ADAMTS17: variants seen among roughly 807,000 people sequenced by gnomAD.
ADAMTS17 encodes ADAM metallopeptidase with thrombospondin type 1 motif 17, also known as A disintegrin and metalloproteinase with thrombospondin motifs 17.
ADAMTS17 carries 113 observed loss-of-function variants against 141.5 expected under a neutral mutation model. That is an observed-to-expected ratio of 0.80 (90% CI 0.69 to 0.93). The LOEUF (loss-of-function observed/expected upper bound fraction) is 0.93, where lower values mean the gene tolerates loss of function less well. Among genes scored for constraint, ADAMTS17 ranks in the 40% least tolerant of loss-of-function variants. ADAMTS17 has a pLI of 0.00. For synonymous variants in ADAMTS17, 768 were observed against 630.6 expected, an observed-to-expected ratio of 1.22 and a Z score of -3.27; for missense variants, 1,659 against 1,517.9, an observed-to-expected ratio of 1.09 and a Z score of -1.54.
intron 19 of ADAMTS17, among the ~76,000 whole-genome samples, chr15:99,996,726 C>T (rs1187447750): frequency 6.6e-6 from 1 of 152,052 alleles, no homozygotes; most frequent in Non-Finnish European, 1.5e-5. Flanking sequence ...GTTTTCTAGA[C>T]TACGCTGGTG....
At position 100,131,989 on chromosome 15, in the gene ADAMTS17, G is replaced by T. The variant is rs755267076; in HGVS notation, c.1721+18C>A. On this transcript the variant is annotated intron_variant, in intron 12 of 21. Transcript: ENST00000268070. Reference sequence around the variant, plus strand: ...TCCAATCGTGGCACGTTGGGGTATGGCTGGTCAGGGGACTTACGGGGGGTT... The same window carrying T: ...TCCAATCGTGGCACGTTGGGGTATGTCTGGTCAGGGGACTTACGGGGGGTT... The T allele has an allele frequency of 6.2e-7, 1 of 1,614,238 alleles. No homozygotes were observed. Among genetic ancestry groups the T allele is most frequent in the East Asian group, 2.2e-5 (1 of 44,880 alleles).
intron 15 of ADAMTS17, among the ~76,000 whole-genome samples, chr15:100,089,601 G>T (rs28368696): frequency 0.037 from 5,575 of 151,846 alleles, 337 homozygotes; most frequent in African/African-American, 0.13. Context: ...AACAGTGATT[G>T]ACTGGATTAA....
chr15:100,286,219 C>T (rs1166594242), intron 3 of ADAMTS17, among the ~76,000 whole-genome samples: 2 of 152,178 alleles, frequency 1.3e-5, no homozygotes. Context: ...CCCTCCCTCC[C>T]CGCAAAACGT....
At chr15:100,082,398 T>G (rs1203714549) in intron 15 of ADAMTS17, among the ~76,000 whole-genome samples, 1 of 143,910 alleles carries the variant, frequency 6.9e-6, no homozygotes, top group Non-Finnish European at 1.5e-5. Flanking sequence ...TTTTTTTTTT[T>G]GAGACAGGGT....
intron 8 of ADAMTS17, among the ~76,000 whole-genome samples, chr15:100,166,882 C>T (rs958760893): frequency 6.6e-6 from 1 of 152,230 alleles, no homozygotes; most frequent in African/African-American, 2.4e-5. Context: ...AGGCCCATAG[C>T]AGTGAGTGAC....
intron 14 of ADAMTS17, among the ~76,000 whole-genome samples, chr15:100,105,917 C>T (rs1264230477): frequency 6.6e-6 from 1 of 152,316 alleles, no homozygotes; most frequent in South Asian, 2.1e-4. Flanking sequence ...CCTGGAACTC[C>T]TGACCTCCAG....
chr15:100,330,262 G>T (rs2046010098), intron 3 of ADAMTS17, among the ~76,000 whole-genome samples: 1 of 152,202 alleles, frequency 6.6e-6, no homozygotes, highest in Admixed American at 6.5e-5. Flanking sequence ...CAGGATGTTG[G>T]GGGACAGGCC....
At chr15:100,166,879 T>C (rs538021839) in intron 8 of ADAMTS17, among the ~76,000 whole-genome samples, 43 of 152,352 alleles carry the variant, frequency 2.8e-4, no homozygotes, top group Admixed American at 1.8e-3. Context: ...ACCAGGCCCA[T>C]AGCAGTGAGT....
chr15:100,142,780 G>A (rs1371355794), intron 10 of ADAMTS17, among the ~76,000 whole-genome samples: 5 of 152,152 alleles, frequency 3.3e-5, no homozygotes, highest in African/African-American at 1.2e-4. Context: ...AGAGAAAGGA[G>A]GGAGTATTAC....
intron 20 of ADAMTS17, chr15:99,979,044 T>C (rs904629091): frequency 2.6e-5 from 4 of 152,266 alleles, no homozygotes; most frequent in Non-Finnish European, 4.4e-5. Flanking sequence ...CTGCAGTCTA[T>C]AGCCAGATGA....
intron 8 of ADAMTS17, among the ~76,000 whole-genome samples, chr15:100,157,300 CT>C (rs1555465959): frequency 6.6e-6 from 1 of 152,164 alleles, no homozygotes; most frequent in Non-Finnish European, 1.5e-5. Flanking sequence ...GACACCCGTC[CT>C]CAAAGAAGAG....
intron 3 of ADAMTS17, among the ~76,000 whole-genome samples, chr15:100,320,642 G>A (rs956462538): frequency 6.6e-6 from 1 of 152,194 alleles, no homozygotes; most frequent in Non-Finnish European, 1.5e-5. Flanking sequence ...CGACCAGCCT[G>A]GGCTACATGG....
intron 20 of ADAMTS17, 84 bp downstream of exon 20, chr15:99,992,964 G>T: frequency 6.4e-7 from 1 of 1,563,270 alleles, no homozygotes; most frequent in Non-Finnish European, 8.8e-7. Flanking sequence ...GCGTAGAATT[G>T]GGACCCGTCA....
At chr15:100,281,447 T>C in intron 3 of ADAMTS17, 46 bp from the exon 4 acceptor site, 12 of 1,583,258 alleles carry the variant, frequency 7.6e-6, no homozygotes, top group Non-Finnish European at 1.0e-5. Flanking sequence ...CTTACTGACT[T>C]CCAAAACCAT....
chr15:100,082,473 C>A (rs1234944850), intron 15 of ADAMTS17, among the ~76,000 whole-genome samples: 1 of 151,900 alleles, frequency 6.6e-6, no homozygotes, highest in Non-Finnish European at 1.5e-5. Flanking sequence ...CTCTGCACCC[C>A]CACCCCAGCT....
chr15:100,235,855 A>T (rs1050166290), intron 7 of ADAMTS17, among the ~76,000 whole-genome samples: 4 of 152,222 alleles, frequency 2.6e-5, no homozygotes, highest in African/African-American at 9.7e-5. Context: ...CAGGAAATGG[A>T]AACATGAGGA....
chr15:100,106,976 A>G (rs1029022776), intron 14 of ADAMTS17, among the ~76,000 whole-genome samples: 1 of 151,992 alleles, frequency 6.6e-6, no homozygotes, highest in African/African-American at 2.4e-5. Context: ...CTGTGCCAAG[A>G]CTCTTGGGCA....
At position 100,341,049 on chromosome 15, in the gene ADAMTS17, G is replaced by A; in HGVS notation, c.440C>T (p.Ala147Val). 1 of 1,523,152 alleles carries A rather than the reference G, an allele frequency of 6.6e-7. No homozygotes were observed. The allele number at this position is 1,523,152 out of a possible 1,614,324, so 94.4% of individuals were successfully genotyped here. A position where few individuals can be genotyped will look rare whatever the true frequency, so the allele number is the denominator to read the frequency against. ...TGGCGCGGGCAGTACCAGGCCGCCG[G>A]CGGCGCCGCAGGCGCTGAGCGAGAC... ...SLVSLSACGA[A>V]GGLVGLIQLG... Residue 147 changes from alanine to valine, a missense_variant, in exon 2 of 22, where the codon GCC becomes GTC. By Grantham distance (64) the Ala-to-Val change is moderately conservative. Transcript: ENST00000268070.
In ADAMTS17 at chr15:100,096,468, G is replaced by A; in HGVS notation, c.2025C>T (p.Gly675=). The A allele has an allele frequency of 6.2e-7, 1 of 1,614,158 alleles. No individual in the cohort carries two copies. The highest frequency in any genetic ancestry group is 1.6e-4 in the Middle Eastern group (1 of 6,062). The change falls in exon 15 of 22, where the codon GGC becomes GGT. Residue 675 remains glycine (G), a synonymous_variant. Coordinates refer to ENST00000268070, the MANE Select transcript of ADAMTS17 (RefSeq NM_139057.4). ...CTGCAGACCCGATGATGCCGTCACA[G>A]CCGATTTTCTAAAGAACCAGAGGGC... ...LCVHGKCQKI[G]CDGIIGSAAK...
Sources: gnomAD v4.1 joint callset for allele counts (sites outside exome capture counted in the v4.1 genomes callset) on GRCh38, gnomAD v4.1.1 for gene constraint, MANE v1.5 for transcripts, NCBI Gene and HGNC (gene_info 2026-07-23, HGNC 2026-07-21) for gene names.